The following GBA2 variants were observed in gnomAD, a reference collection of about 807,000 sequenced individuals.
The protein encoded by GBA2 is glucosylceramidase beta 2.
A neutral mutation model predicts 112.9 loss-of-function variants in GBA2; 79 were observed. That is an observed-to-expected ratio of 0.70 (90% confidence interval 0.58 to 0.84). The LOEUF (loss-of-function observed/expected upper bound fraction) is 0.84. Ranked by LOEUF, GBA2 falls within the 40% of genes least tolerant of loss-of-function variation. The probability of loss-of-function intolerance (pLI) is 0.00; values close to 1 mark genes in which losing one functional copy is unlikely to be tolerated. For missense variants in GBA2, 1,043 were observed against 1,190.0 expected (o/e 0.88, Z 1.82); for synonymous variants, 403 against 434.3 (o/e 0.93, Z 0.90).
At chr9:35,742,337 A>G (rs1826738869) in intron 3 of GBA2, among the ~76,000 whole-genome samples, 2 of 152,128 alleles carry the variant, frequency 1.3e-5, no homozygotes, top group Non-Finnish European at 2.9e-5. Context: ...TCAAGCACCT[A>G]TAGTCTGTTC....
Position 35,736,992 on chromosome 9 carries a change from G to T in GBA2, c.*177C>A. The T allele has an allele frequency of 1.0e-6, 1 of 979,434 alleles. No individual in the cohort carries two copies. The highest frequency in any genetic ancestry group is 1.5e-6 in the Non-Finnish European group (1 of 679,952). The allele number at this position is 979,434 out of a possible 1,614,324, so 60.7% of individuals were successfully genotyped here. A position where few individuals can be genotyped will look rare whatever the true frequency, so the allele number is the denominator to read the frequency against. On this transcript the variant is annotated 3_prime_UTR_variant, in exon 17 of 17. Coordinates refer to ENST00000378103, the MANE Select transcript of GBA2 (RefSeq NM_020944.3). ...CAGGTGAGGAAAGAAATAAATAAGT[G>T]ATTCTAATGCTGCCTAGGTCACCCT...
rs1045343672 is a variant in GBA2 at position 35,746,700 on chromosome 9, T to G, written c.359+1646A>C. On this transcript the variant is annotated intron_variant, in intron 1 of 16. Coordinates refer to ENST00000378103, the MANE Select transcript of GBA2 (RefSeq NM_020944.3). The surrounding 1 kb of genome is among the most constrained non-coding windows in gnomAD (Gnocchi z 5.2). ...AGGCAGAGAATCCTCTCTGCCAGCT[T>G]AGAGAAAACCGGACTTTGAAACTAG... Among the ~76,000 whole-genome samples the G allele has an allele frequency of 2.6e-5, 4 of 152,134 alleles. No homozygotes were observed. Among genetic ancestry groups the G allele is most frequent in the Non-Finnish European group, 5.9e-5 (4 of 68,020 alleles).
chr9:35,739,449 C>CAGAATT, intron 9 of GBA2, 30 bp from the exon 10 acceptor site: 1 of 1,512,974 alleles, frequency 6.6e-7, no homozygotes, highest in Non-Finnish European at 9.2e-7. Context: ...ACACTGTTGC[C>CAGAATT]AGAATTCCTG....
rs1300002658 is a variant in GBA2, at chr9:35,748,414, CT to C, written c.290del (p.Lys97ArgfsTer12). On this transcript the variant is annotated frameshift_variant, in exon 1 of 17. Coordinates refer to ENST00000378103, the MANE Select transcript of GBA2 (RefSeq NM_020944.3). LOFTEE classifies it high-confidence loss of function. ...RICLAHEFTEKRKPFQANNVS... is the reference protein window; with the variant it reads ...RICLAHEFTEXRKPFQANNVS... ...CGTTGTTAGCTTGAAAGGGTTTCCT[CT>C]TCTCTGTAAACTCATGAGCCAGACA... 6.2e-7 allele frequency: 1 copy of C among 1,614,196 alleles called. No homozygotes were observed. The highest frequency in any genetic ancestry group is 1.1e-5 in the South Asian group (1 of 91,086).
In GBA2 at chr9:35,737,381, G is replaced by T; in HGVS notation, c.2572C>A (p.Leu858Met). ...CYRTVWERLGLAFQTPEAYCQ... is the reference protein window; with the variant it reads ...CYRTVWERLGMAFQTPEAYCQ... Reference sequence around the variant, plus strand: ...TATGCCTCTGGGGTCTGGAAGGCCAGACCCAGGCGCTCCCACACGGTACGG... The same window carrying T: ...TATGCCTCTGGGGTCTGGAAGGCCATACCCAGGCGCTCCCACACGGTACGG... Residue 858 changes from leucine (L) to methionine (M), a missense_variant, in exon 17 of 17, where the codon CTG becomes ATG. Physicochemically the swap from Leu to Met is conservative, Grantham distance 15 (BLOSUM62 2). Coordinates refer to ENST00000378103, the MANE Select transcript of GBA2 (RefSeq NM_020944.3). This position sits in a 1 kb window ranked among gnomAD's most constrained non-coding sequence, Gnocchi z 4.1. 6.2e-7 allele frequency: 1 copy of T among 1,614,164 alleles called. No homozygotes were observed. The highest frequency in any genetic ancestry group is 1.1e-5 in the South Asian group (1 of 91,080).
chr9:35,738,450 ATTCT>A, intron 13 of GBA2, 72 bp downstream of exon 13: 4 of 1,591,634 alleles, frequency 2.5e-6, no homozygotes, highest in East Asian at 2.2e-5. Context: ...ACAATGAGTC[ATTCT>A]TTCTTGAGCC....
In GBA2 at chr9:35,741,579, T is replaced by G; in HGVS notation, c.786+93A>C. On this transcript the variant is annotated intron_variant, in intron 4 of 16. Coordinates refer to ENST00000378103, the MANE Select transcript of GBA2 (RefSeq NM_020944.3). This position sits in a 1 kb window ranked among gnomAD's most constrained non-coding sequence, Gnocchi z 4.6. ...TCCCAAAGTGTTGGGATTACAGGCG[T>G]GAGCTACCGCGCCTCGCAGGCCATG... The G allele has an allele frequency of 7.0e-6, 6 of 863,068 alleles. No individual in the cohort carries two copies. The highest frequency in any genetic ancestry group is 1.3e-5 in the South Asian group (1 of 74,166). 53.5% of individuals were successfully genotyped at this position (863,068 alleles called of 1,614,324 possible).
rs1356758459 is a variant in GBA2 at position 35,740,385 on chromosome 9, C to T, written c.1130-23G>A. The T allele has an allele frequency of 3.7e-6, 6 of 1,610,538 alleles. No individual in the cohort carries two copies. Among genetic ancestry groups the T allele is most frequent in the Middle Eastern group, 1.7e-4 (1 of 6,050 alleles). On this transcript the variant is annotated intron_variant, in intron 6 of 16. Coordinates refer to ENST00000378103, the MANE Select transcript of GBA2 (RefSeq NM_020944.3). The surrounding 1 kb of genome is among the most constrained non-coding windows in gnomAD (Gnocchi z 4.7). ...GGCCTGAGAGAAACACAAGAGAATT[C>T]AGGACAGGAGCCCCTTCAGCCCCAG...
At position 35,737,301 on chromosome 9, in the gene GBA2, C is replaced by T. The variant is rs1349548362; in HGVS notation, c.2652G>A (p.Trp884Ter). Reference sequence around the variant, plus strand: ...GCTGTTGCAGGGCTAGCTGCATGGCCCATATGCTCAGTGGCCGCATGTAGG... The same window carrying T: ...GCTGTTGCAGGGCTAGCTGCATGGCTCATATGCTCAGTGGCCGCATGTAGG... ...SLAYMRPLSIWAMQLALQQQQ... is the reference protein window; with the variant it reads ...SLAYMRPLSI Residue 884 changes from tryptophan (W) to a stop codon, truncating the protein, a stop_gained, in exon 17 of 17, where the codon TGG becomes TGA. Transcript: ENST00000378103. LOFTEE classifies it low-confidence loss of function (END_TRUNC). This position sits in a 1 kb window ranked among gnomAD's most constrained non-coding sequence, Gnocchi z 4.1. 1 of 1,614,096 alleles carries T rather than the reference C, an allele frequency of 6.2e-7. No homozygotes were observed. The highest frequency in any genetic ancestry group is 2.2e-5 in the East Asian group (1 of 44,884).
chr9:35,739,168 G>GC (rs1159200268), intron 10 of GBA2, 59 bp from the exon 11 acceptor site: 5 of 1,160,050 alleles, frequency 4.3e-6, no homozygotes, highest in Non-Finnish European at 6.4e-6. Flanking sequence ...GGGGCACACA[G>GC]CTATGTGTGT....
chr9:35,738,291 T>C lies in GBA2; in HGVS notation c.2138A>G (p.Asp713Gly), dbSNP rs1238340656. The change falls in exon 14 of 17, where the codon GAT becomes GGT. Residue 713 changes from aspartate to glycine, a missense_variant. Physicochemically the swap from Asp to Gly is moderately conservative, Grantham distance 94 (BLOSUM62 -1). Transcript: ENST00000378103. ...CCGGCTGAGGATAGAAGAAAACTTA[T>C]CCTGGATGTCCTGTGCCCCACACAG... ...AALCGAQDIQ[D>G]KFSSILSRGQ... 3.7e-6 allele frequency: 6 copies of C among 1,614,136 alleles called. No homozygotes were observed. The highest frequency in any genetic ancestry group is 4.2e-6 in the Non-Finnish European group (5 of 1,180,002).
rs779723272 is a variant in GBA2, at chr9:35,741,918, G to A, written c.568-28C>T. On this transcript the variant is annotated intron_variant, in intron 3 of 16. Transcript: ENST00000378103. This position sits in a 1 kb window ranked among gnomAD's most constrained non-coding sequence, Gnocchi z 4.6. ...TAAGAGGGCAGATAGGCTGGAACGG[G>A]GTAAACCACAGGGACCACAGACTAA... 3 of 1,518,252 alleles carry A rather than the reference G, an allele frequency of 2.0e-6. No homozygotes were observed. Among genetic ancestry groups the A allele is most frequent in the South Asian group, 2.2e-5 (2 of 88,980 alleles). The allele number at this position is 1,518,252 out of a possible 1,614,324, so 94.0% of individuals were successfully genotyped here.
At position 35,740,908 on chromosome 9, in the gene GBA2, T is replaced by C; in HGVS notation, c.943A>G (p.Ser315Gly). Residue 315 changes from serine to glycine, a missense_variant, in exon 5 of 17, where the codon AGC (serine) becomes GGC (glycine). Physicochemically the swap from Ser to Gly is moderately conservative, Grantham distance 56 (BLOSUM62 0). Coordinates refer to ENST00000378103, the MANE Select transcript of GBA2 (RefSeq NM_020944.3). The surrounding 1 kb of genome is among the most constrained non-coding windows in gnomAD (Gnocchi z 4.7). ...LWNEPFCLER[S>G]GETVRGLLLH... ...AGCAGCCCCCGGACAGTTTCCCCGC[T>C]ACGCTCCAGACAGAAGGGCTCATTC... 6.2e-7 allele frequency: 1 copy of C among 1,613,882 alleles called. No homozygotes were observed. Among genetic ancestry groups the C allele is most frequent in the South Asian group, 1.1e-5 (1 of 91,072 alleles).
At position 35,739,679 on chromosome 9, in the gene GBA2, A is replaced by C. The variant is rs567502691; in HGVS notation, c.1531T>G (p.Cys511Gly). The change falls in exon 9 of 17, where the codon TGT becomes GGT. Residue 511 changes from cysteine (C) to glycine (G), a missense_variant. Transcript: ENST00000378103. ...TCCCGTAGGGTGGGGCGGAGGTGAC[A>C]CATGTTTCTGCCCAGCTCCTCTGGT... ...SLPEELGRNM[C>G]HLRPTLRDYG... The C allele has an allele frequency of 6.2e-7, 1 of 1,614,108 alleles. No homozygotes were observed. Among genetic ancestry groups the C allele is most frequent in the African/African-American group, 1.3e-5 (1 of 75,040 alleles).
Position 35,737,854 on chromosome 9 carries a change from GC to G in GBA2, c.2398del (p.Ala800LeufsTer2). The G allele has an allele frequency of 6.2e-7, 1 of 1,613,486 alleles. No homozygotes were observed. ...VQAFAGGAMG[A>X]VNGMQPHGVP... Reference sequence around the variant, plus strand: ...ACCATGGGGCTGCATCCCATTCACAGCCCCCATGGCCCCTCCTGCAAAGGCC... The same window carrying G: ...ACCATGGGGCTGCATCCCATTCACAGCCCCATGGCCCCTCCTGCAAAGGCC... On this transcript the variant is annotated frameshift_variant, in exon 16 of 17. Coordinates refer to ENST00000378103, the MANE Select transcript of GBA2 (RefSeq NM_020944.3). LOFTEE classifies it high-confidence loss of function. The surrounding 1 kb of genome is among the most constrained non-coding windows in gnomAD (Gnocchi z 4.1).
intron 1 of GBA2, 119 bp from the exon 2 acceptor site, chr9:35,744,825 C>T: frequency 4.4e-6 from 3 of 674,568 alleles, no homozygotes; most frequent in Admixed American, 2.2e-5. Flanking sequence ...TGCTTTCAAA[C>T]CTTTCTTCCT....
Position 35,737,303 on chromosome 9 carries a change from A to G in GBA2, c.2650T>C (p.Trp884Arg). ...SLAYMRPLSIWAMQLALQQQQ... is the reference protein window; with the variant it reads ...SLAYMRPLSIRAMQLALQQQQ... ...TGTTGCAGGGCTAGCTGCATGGCCCATATGCTCAGTGGCCGCATGTAGGCC... is the reference window on the plus strand; with the variant it reads ...TGTTGCAGGGCTAGCTGCATGGCCCGTATGCTCAGTGGCCGCATGTAGGCC... Residue 884 changes from tryptophan to arginine, a missense_variant, in exon 17 of 17, where the codon TGG (tryptophan) becomes CGG (arginine). Trp to Arg is a moderately radical substitution (Grantham distance 101). Coordinates refer to ENST00000378103, the MANE Select transcript of GBA2 (RefSeq NM_020944.3). This position sits in a 1 kb window ranked among gnomAD's most constrained non-coding sequence, Gnocchi z 4.1. The G allele has an allele frequency of 6.2e-7, 1 of 1,614,098 alleles. No homozygotes were observed. The highest frequency in any genetic ancestry group is 8.5e-7 in the Non-Finnish European group (1 of 1,180,004).
Position 35,738,787 on chromosome 9 carries a change from GAT to G in GBA2, c.1910_1911del (p.Asp637AlafsTer18). 1 of 1,614,164 alleles carries G rather than the reference GAT, an allele frequency of 6.2e-7. No homozygotes were observed. Among genetic ancestry groups the G allele is most frequent in the Non-Finnish European group, 8.5e-7 (1 of 1,180,004 alleles). The stretch of plus-strand genomic sequence containing the variant: ...GGCCACATGTCCTTCAGGAAGTTTT[GAT>G]CACCCGTGAGGTAATAGTCCCGATA... ...QVYRDYYLTGDQNFLKDMWPV... is the reference protein window; with the variant it reads ...QVYRDYYLTGXQNFLKDMWPV... On this transcript the variant is annotated frameshift_variant, in exon 12 of 17. Coordinates refer to ENST00000378103, the MANE Select transcript of GBA2 (RefSeq NM_020944.3). LOFTEE classifies it high-confidence loss of function.
chr9:35,738,414 C>T (rs751265524), intron 13 of GBA2, 40 bp from the exon 14 acceptor site: 2 of 1,605,556 alleles, frequency 1.2e-6, no homozygotes, highest in African/African-American at 2.7e-5. Flanking sequence ...ACTGGCAGCT[C>T]CAGCTGCTCC....
Sources: gnomAD v4.1 joint callset for allele counts (sites outside exome capture counted in the v4.1 genomes callset) on GRCh38, gnomAD v4.1.1 for gene constraint, Gnocchi (gnomAD v3.1) non-coding constraint, MANE v1.5 for transcripts, NCBI Gene and HGNC (gene_info 2026-07-23, HGNC 2026-07-21) for gene names.